The following ELMO1 variants were observed in gnomAD, a reference collection of about 807,000 sequenced individuals.
The protein encoded by ELMO1 is engulfment and cell motility 1, also known as engulfment and cell motility protein 1.
A neutral mutation model predicts 98.9 loss-of-function variants in ELMO1; 26 were observed. That is an observed-to-expected ratio of 0.26 (90% CI 0.19 to 0.36). ELMO1 has a LOEUF of 0.36. ELMO1 is among the 10% of genes least tolerant of loss of function. ELMO1 has a pLI of 1.00. For synonymous variants in ELMO1, 346 were observed against 346.0 expected (o/e 1.00, Z 0.00); for missense variants, 627 against 935.2 (o/e 0.67, Z 4.30).
At chr7:37,082,759 A>G (rs764885232) in intron 15 of ELMO1, among the ~76,000 whole-genome samples, 5 of 151,994 alleles carry the variant, frequency 3.3e-5, no homozygotes, top group African/African-American at 4.8e-5. Context: ...AGAAAAGCCC[A>G]TTTTGCTTAA....
Position 37,143,711 on chromosome 7 carries a change from A to ATTT in ELMO1, c.1087-10480_1087-10478dup, listed in dbSNP as rs11407170. On this transcript the variant is annotated intron_variant, in intron 13 of 21. Coordinates refer to ENST00000310758, the MANE Select transcript of ELMO1 (RefSeq NM_014800.11). ...AGGTGTGAGCCACTGCAGCCGGTCG[A>ATTT]TTTTTTTTTTTTTTTTTGAGATGGA... Among the ~76,000 whole-genome samples the ATTT allele has an allele frequency of 1.8e-4, 21 of 115,772 alleles. 1 individual carries two copies. Among genetic ancestry groups the ATTT allele is most frequent in the East Asian group, 2.7e-4 (1 of 3,662 alleles). The allele number at this position is 115,772 out of a possible 152,430, so 76.0% of individuals were successfully genotyped here. A position where few individuals can be genotyped will look rare whatever the true frequency, so the allele number is the denominator to read the frequency against.
chr7:37,072,257 C>T (rs552640270), intron 15 of ELMO1, among the ~76,000 whole-genome samples: 1 of 152,118 alleles, frequency 6.6e-6, no homozygotes, highest in Non-Finnish European at 1.5e-5. Context: ...ACAATTCCCG[C>T]GTGTTGTAGG....
chr7:37,088,478 A>G (rs771114575), intron 15 of ELMO1, among the ~76,000 whole-genome samples: 1 of 152,314 alleles, frequency 6.6e-6, no homozygotes, highest in Non-Finnish European at 1.5e-5. Context: ...TTCTTCCACA[A>G]ATAGTGCATT....
chr7:37,386,699 G>A (rs1028446299), intron 1 of ELMO1, among the ~76,000 whole-genome samples: 37 of 151,956 alleles, frequency 2.4e-4, no homozygotes, highest in African/African-American at 8.0e-4. Context: ...CAGTCAGGTC[G>A]GGTAAGTAGA....
At chr7:37,193,379 G>T (rs1352441101) in intron 13 of ELMO1, among the ~76,000 whole-genome samples, 1 of 152,106 alleles carries the variant, frequency 6.6e-6, no homozygotes, top group Non-Finnish European at 1.5e-5. Context: ...TCTCCTTTAA[G>T]ATGGAGGTAA....
At chr7:37,172,720 C>A (rs770216667) in intron 13 of ELMO1, among the ~76,000 whole-genome samples, 2 of 152,114 alleles carry the variant, frequency 1.3e-5, no homozygotes, top group Non-Finnish European at 2.9e-5. Context: ...GCCAACTACT[C>A]GATTTCCAAG....
intron 13 of ELMO1, among the ~76,000 whole-genome samples, chr7:37,135,577 A>C (rs1787215367): frequency 6.6e-6 from 1 of 152,212 alleles, no homozygotes; most frequent in African/African-American, 2.4e-5. Flanking sequence ...TGCCAGTACC[A>C]GCATGGAGCT....
chr7:37,275,003 T>C lies in ELMO1; in HGVS notation c.193-3121A>G, dbSNP rs576978356. On this transcript the variant is annotated intron_variant, in intron 4 of 21. Transcript: ENST00000310758. The stretch of plus-strand genomic sequence containing the variant: ...CAACATTATAACTCTATGCCCACGT[T>C]AAAGATAAGAAAGCAAAGCTGCTGA... Among the ~76,000 whole-genome samples, 73 of 152,310 alleles carry C rather than the reference T, an allele frequency of 4.8e-4. 1 individual carries two copies. Among genetic ancestry groups the C allele is most frequent in the Middle Eastern group, 3.4e-3 (1 of 294 alleles).
At chr7:37,122,861 C>A (rs141095618) in intron 14 of ELMO1, among the ~76,000 whole-genome samples, 1 of 152,106 alleles carries the variant, frequency 6.6e-6, no homozygotes, top group African/African-American at 2.4e-5. Context: ...CACACCTAGT[C>A]CAAAATTGAC....
At chr7:37,318,856 T>A (rs1799340929) in intron 2 of ELMO1, among the ~76,000 whole-genome samples, 1 of 152,208 alleles carries the variant, frequency 6.6e-6, no homozygotes. Flanking sequence ...CCTGTCTGCC[T>A]TATTTGACAC....
intron 20 of ELMO1, chr7:36,862,083 T>C: frequency 3.8e-6 from 1 of 264,886 alleles, no homozygotes; most frequent in Non-Finnish European, 7.4e-6. Flanking sequence ...TTCTCCTTTC[T>C]TCAGCATCTC....
chr7:36,962,727 C>T (rs1335228926), intron 16 of ELMO1, among the ~76,000 whole-genome samples: 3 of 152,062 alleles, frequency 2.0e-5, no homozygotes, highest in Non-Finnish European at 4.4e-5. Flanking sequence ...TCATGAGCTC[C>T]TTAGGTGCTT....
intron 1 of ELMO1, among the ~76,000 whole-genome samples, chr7:37,425,457 G>C (rs1018880905): frequency 6.6e-6 from 1 of 152,228 alleles, no homozygotes; most frequent in Admixed American, 6.5e-5. Flanking sequence ...CATCATGATA[G>C]TTATCGAGAA....
In ELMO1 at chr7:37,342,561, CAGT is replaced by C. The variant is rs1562629584; in HGVS notation, c.78+49_78+51del. 2.6e-6 allele frequency: 4 copies of C among 1,557,332 alleles called. No homozygotes were observed. In the Admixed American group the frequency reaches 6.7e-5, roughly 26 times the overall value. ...AGCTATCCAAAGTCTATGAAAATTCCAGTATAGAAAGGAAACTGAAAATAGACA... is the reference window on the plus strand; with the variant it reads ...AGCTATCCAAAGTCTATGAAAATTCCATAGAAAGGAAACTGAAAATAGACA... On this transcript the variant is annotated intron_variant, in intron 2 of 21. Transcript: ENST00000310758. The surrounding 1 kb of genome is among the most constrained non-coding windows in gnomAD (Gnocchi z 4.3).
At chr7:36,962,770 C>A (rs1463586169) in intron 16 of ELMO1, among the ~76,000 whole-genome samples, 1 of 152,044 alleles carries the variant, frequency 6.6e-6, no homozygotes, top group Non-Finnish European at 1.5e-5. Flanking sequence ...AAAAGGAAAG[C>A]TTAGCATTGT....
intron 1 of ELMO1, among the ~76,000 whole-genome samples, chr7:37,404,402 A>C (rs1251636515): frequency 6.6e-6 from 1 of 152,166 alleles, no homozygotes; most frequent in Non-Finnish European, 1.5e-5. Flanking sequence ...TGGTCCTATC[A>C]TGGCCACTCC....
At chr7:36,992,756 G>GA (rs1224908389) in intron 16 of ELMO1, among the ~76,000 whole-genome samples, 1 of 152,062 alleles carries the variant, frequency 6.6e-6, no homozygotes, top group Non-Finnish European at 1.5e-5. Context: ...TACCTTTTGA[G>GA]AAAAAAACTA....
chr7:37,437,192 C>G (rs779922305), intron 1 of ELMO1, among the ~76,000 whole-genome samples: 34 of 152,166 alleles, frequency 2.2e-4, no homozygotes, highest in Admixed American at 1.4e-3. Context: ...GGGTTTCTCC[C>G]AGGGCCCCTG....
chr7:36,853,092 C>T lies in ELMO1; in HGVS notation c.*2459G>A, dbSNP rs903732188. Among the ~76,000 whole-genome samples, 5 of 152,118 alleles carry T rather than the reference C, an allele frequency of 3.3e-5. No homozygotes were observed. The highest frequency in any genetic ancestry group is 7.3e-5 in the Non-Finnish European group (5 of 68,040). The stretch of plus-strand genomic sequence containing the variant: ...AGGCTCATTGCATGGGAAAAAAAGC[C>T]TTGGGCAGCCTGGAGAGAGAAGGTG... On this transcript the variant is annotated 3_prime_UTR_variant, in exon 22 of 22. Transcript: ENST00000310758.
Sources: allele counts gnomAD v4.1 joint callset (sites outside exome capture counted in the v4.1 genomes callset), GRCh38; gene constraint gnomAD v4.1.1; non-coding constraint Gnocchi (gnomAD v3.1); transcripts MANE v1.5; gene names NCBI Gene and HGNC (gene_info 2026-07-23, HGNC 2026-07-21).